CLDN10: variants seen among roughly 807,000 people sequenced by gnomAD.
CLDN10 encodes the protein claudin-10.
Under a neutral mutation model 22.9 loss-of-function variants are expected in CLDN10, and 15 were observed. The observed-to-expected ratio is 0.65, with a 90% CI of 0.44 to 1.01. The LOEUF is 1.01. Ranked by LOEUF, CLDN10 falls within the 50% of genes least tolerant of loss-of-function variation. The probability of loss-of-function intolerance (pLI) is 0.00; values close to 1 mark genes in which losing one functional copy is unlikely to be tolerated. For synonymous variants in CLDN10, 114 were observed against 111.4 expected (o/e 1.02, Z -0.15); for missense variants, 247 against 287.8 (o/e 0.86, Z 1.03).
At chr13:95,553,177 T>C (rs1052086816) in intron 1 of CLDN10, among the ~76,000 whole-genome samples, 2 of 152,114 alleles carry the variant, frequency 1.3e-5, no homozygotes, top group Non-Finnish European at 2.9e-5. Flanking sequence ...GGGGCGCCTG[T>C]TCGAGCCTGG....
At chr13:95,512,121 C>CTTTTTTT (rs57359573) in intron 1 of CLDN10, among the ~76,000 whole-genome samples, 1 of 10,492 alleles carries the variant, frequency 9.5e-5, no homozygotes, top group Non-Finnish European at 2.4e-4. Context: ...ATCGTCTCTC[C>CTTTTTTT]TTTTTTTTTG....
rs534638402 is a variant in CLDN10, at chr13:95,495,585, A to G, written c.214+61538A>G. Among the ~76,000 whole-genome samples, 4 of 151,612 alleles carry G rather than the reference A, an allele frequency of 2.6e-5. No homozygotes were observed. The South Asian group carries it at 8.3e-4, about 32-fold the overall frequency. Reference sequence around the variant, plus strand: ...CAGTGAAACCCCGTCTCTACTAAAAATATAAAAATTTAGCCGGGCATAGTG... The same window carrying G: ...CAGTGAAACCCCGTCTCTACTAAAAGTATAAAAATTTAGCCGGGCATAGTG... On this transcript the variant is annotated intron_variant, in intron 1 of 4. Transcript: ENST00000376873.
At position 95,560,374 on chromosome 13, in the gene CLDN10, T is replaced by C; in HGVS notation, c.383-8T>C. Reference sequence around the variant, plus strand: ...TAACCATAGTGCTTTCCCTCTAATATTTGTTAGGGCTGTGCTCAATGACTG... The same window carrying C: ...TAACCATAGTGCTTTCCCTCTAATACTTGTTAGGGCTGTGCTCAATGACTG... On this transcript the variant is annotated splice_region_variant and splice_polypyrimidine_tract_variant and intron_variant, in intron 2 of 4. Coordinates refer to ENST00000299339, the MANE Select transcript of CLDN10 (RefSeq NM_006984.5). The C allele has an allele frequency of 6.2e-7, 1 of 1,613,672 alleles. No homozygotes were observed. Among genetic ancestry groups the C allele is most frequent in the Non-Finnish European group, 8.5e-7 (1 of 1,179,588 alleles).
chr13:95,504,869 G>A (rs200860983), intron 1 of CLDN10, among the ~76,000 whole-genome samples: 1 of 152,158 alleles, frequency 6.6e-6, no homozygotes, highest in East Asian at 1.9e-4. Flanking sequence ...CATTCATTTT[G>A]ATTATCTGCG....
At chr13:95,530,417 A>G (rs575820374) in intron 1 of CLDN10, among the ~76,000 whole-genome samples, 1 of 152,306 alleles carries the variant, frequency 6.6e-6, no homozygotes, top group African/African-American at 2.4e-5. Context: ...GAAACAGGCT[A>G]TTGAATTACT....
chr13:95,493,385 T>A (rs921358980), intron 1 of CLDN10, among the ~76,000 whole-genome samples: 2 of 152,126 alleles, frequency 1.3e-5, no homozygotes, highest in Non-Finnish European at 2.9e-5. Context: ...CGCATTGTTA[T>A]GCAACCATCA....
intron 1 of CLDN10, among the ~76,000 whole-genome samples, chr13:95,500,912 T>C (rs2042977683): frequency 6.6e-6 from 1 of 152,146 alleles, no homozygotes. Flanking sequence ...AAAATTGAAC[T>C]GAGCAAAAGG....
At chr13:95,577,365 G>A (rs1209619879) in intron 4 of CLDN10, 27 bp downstream of exon 4, 7 of 1,384,180 alleles carry the variant, frequency 5.1e-6, no homozygotes, top group South Asian at 2.3e-5. Context: ...AAAATGACCT[G>A]TTAAAAAGTA....
At chr13:95,450,684 C>T (rs1238153308) in intron 1 of CLDN10, among the ~76,000 whole-genome samples, 1 of 152,184 alleles carries the variant, frequency 6.6e-6, no homozygotes, top group Non-Finnish European at 1.5e-5. Flanking sequence ...AATGCAAAGT[C>T]CTGTCAAATC....
chr13:95,437,211 C>CAAA (rs1170431559), intron 1 of CLDN10, among the ~76,000 whole-genome samples: 3 of 152,138 alleles, frequency 2.0e-5, no homozygotes, highest in Non-Finnish European at 4.4e-5. Context: ...GCAAACACCT[C>CAAA]TTTGGGTGAG....
chr13:95,517,555 G>C (rs1419465078), intron 1 of CLDN10, among the ~76,000 whole-genome samples: 1 of 152,054 alleles, frequency 6.6e-6, no homozygotes, highest in Non-Finnish European at 1.5e-5. Flanking sequence ...AATTGTCAAT[G>C]ATGATTGTAT....
intron 1 of CLDN10, among the ~76,000 whole-genome samples, chr13:95,559,842 G>A (rs1201138094): frequency 6.6e-6 from 1 of 152,092 alleles, no homozygotes; most frequent in Non-Finnish European, 1.5e-5. Flanking sequence ...ACTCACCTCT[G>A]GTAAGTCACA....
intron 1 of CLDN10, among the ~76,000 whole-genome samples, chr13:95,535,537 T>C (rs2043391231): frequency 6.8e-6 from 1 of 146,950 alleles, no homozygotes; most frequent in Admixed American, 6.9e-5. Flanking sequence ...ATATGGTTCA[T>C]GGTTCAGTGG....
At chr13:95,533,097 TTGTA>T in intron 1 of CLDN10, among the ~76,000 whole-genome samples, 1 of 152,004 alleles carries the variant, frequency 6.6e-6, no homozygotes, top group Non-Finnish European at 1.5e-5. Context: ...ATAAATTTCA[TTGTA>T]TGTAATTTTT....
intron 1 of CLDN10, among the ~76,000 whole-genome samples, chr13:95,475,835 CCTCTCTCTCT>C (rs150351390): frequency 7.0e-6 from 1 of 142,568 alleles, no homozygotes; most frequent in African/African-American, 2.5e-5. Flanking sequence ...TCCCTCTTTC[CCTCTCTCTCT>C]CTCTCTCCCT....
chr13:95,503,476 AT>A (rs1296757335), intron 1 of CLDN10, among the ~76,000 whole-genome samples: 1 of 152,216 alleles, frequency 6.6e-6, no homozygotes, highest in East Asian at 1.9e-4. Flanking sequence ...TGATCTAGAA[AT>A]TCCGCTTCTG....
At chr13:95,553,010 T>A in intron 1 of CLDN10, 37 bp downstream of exon 1, 3 of 1,608,586 alleles carry the variant, frequency 1.9e-6, no homozygotes, top group Non-Finnish European at 2.5e-6. Context: ...CAGCCCTCCT[T>A]CCTTGATGGC....
intron 1 of CLDN10, among the ~76,000 whole-genome samples, chr13:95,446,311 T>C (rs2042378811): frequency 6.6e-6 from 1 of 152,186 alleles, no homozygotes; most frequent in African/African-American, 2.4e-5. Context: ...TCTGTGCACA[T>C]GTGCAAATAA....
At chr13:95,556,232 G>A (rs1463438378) in intron 1 of CLDN10, among the ~76,000 whole-genome samples, 2 of 152,018 alleles carry the variant, frequency 1.3e-5, no homozygotes, top group Non-Finnish European at 2.9e-5. Flanking sequence ...TTTTAGTAGA[G>A]ACAGGGTTTC....
Sources: allele counts gnomAD v4.1 joint callset (sites outside exome capture counted in the v4.1 genomes callset), GRCh38; gene constraint gnomAD v4.1.1; transcripts MANE v1.5; gene names NCBI Gene and HGNC (gene_info 2026-07-23, HGNC 2026-07-21).